TAOK3: variants seen among roughly 807,000 people sequenced by gnomAD.
TAOK3 encodes the protein TAO kinase 3.
A neutral mutation model predicts 120.4 loss-of-function variants in TAOK3; 40 were observed. The ratio of observed to expected loss-of-function variants is 0.33; its 90% confidence interval spans 0.26 to 0.43. The LOEUF is 0.43. Among genes scored for constraint, TAOK3 ranks in the 20% least tolerant of loss-of-function variants. The pLI is 1.00. For missense variants in TAOK3, 821 were observed against 1,112.1 expected (o/e 0.74, Z 3.72); for synonymous variants, 355 against 387.5 (o/e 0.92, Z 0.99).
chr12:118,240,652 C>A (rs1409062981), intron 5 of TAOK3, among the ~76,000 whole-genome samples: 1 of 152,000 alleles, frequency 6.6e-6, no homozygotes, highest in Non-Finnish European at 1.5e-5. Flanking sequence ...CCCTTCTTAT[C>A]CTAGATTTTT....
At chr12:118,325,410 G>C (rs1363589194) in intron 1 of TAOK3, among the ~76,000 whole-genome samples, 1 of 152,114 alleles carries the variant, frequency 6.6e-6, no homozygotes, top group Non-Finnish European at 1.5e-5. Flanking sequence ...TTGGGTGAAA[G>C]TCATTTTAAC....
At chr12:118,356,049 C>T (rs1593681446) in intron 1 of TAOK3, among the ~76,000 whole-genome samples, 1 of 152,248 alleles carries the variant, frequency 6.6e-6, no homozygotes. Flanking sequence ...GGATATGCTG[C>T]TGATCATGTA....
At chr12:118,320,289 T>C (rs962158954) in intron 1 of TAOK3, among the ~76,000 whole-genome samples, 2 of 152,128 alleles carry the variant, frequency 1.3e-5, no homozygotes, top group South Asian at 4.1e-4. Context: ...ATTATTTCCT[T>C]ATGACAAGTT....
intron 9 of TAOK3, among the ~76,000 whole-genome samples, chr12:118,230,760 C>T (rs1286371417): frequency 2.0e-5 from 3 of 152,050 alleles, no homozygotes; most frequent in South Asian, 2.1e-4. Context: ...TGAGCCACCA[C>T]GCCCAGCCTA....
chr12:118,169,341 C>T (rs967843113), intron 17 of TAOK3, among the ~76,000 whole-genome samples: 4 of 102,248 alleles, frequency 3.9e-5, no homozygotes, highest in Non-Finnish European at 7.4e-5. Context: ...TTTTTAAAGA[C>T]AGTCTCACTC....
intron 14 of TAOK3, 61 bp downstream of exon 14, chr12:118,189,746 G>A: frequency 2.5e-6 from 4 of 1,603,748 alleles, no homozygotes; most frequent in Non-Finnish European, 3.4e-6. Context: ...GGGAGGGCGA[G>A]AGGCTGCCAG....
chr12:118,233,533 A>G, intron 9 of TAOK3, 141 bp downstream of exon 9: 1 of 644,810 alleles, frequency 1.6e-6, no homozygotes, highest in Non-Finnish European at 2.6e-6. Flanking sequence ...CGCATTGCCT[A>G]GCACACATAT....
chr12:118,290,795 A>G (rs1372172525), intron 1 of TAOK3, among the ~76,000 whole-genome samples: 1 of 151,920 alleles, frequency 6.6e-6, no homozygotes, highest in Non-Finnish European at 1.5e-5. Flanking sequence ...AATCCTATTT[A>G]TATCGCCACT....
chr12:118,221,634 C>CTTT lies in TAOK3; in HGVS notation c.644-7527_644-7525dup, dbSNP rs35069196. Among the ~76,000 whole-genome samples, 79 of 125,990 alleles carry CTTT rather than the reference C, an allele frequency of 6.3e-4. 1 individual carries two copies. The highest frequency in any genetic ancestry group is 2.8e-3 in the East Asian group (12 of 4,358). 82.7% of individuals were successfully genotyped at this position (125,990 alleles called of 152,430 possible). On this transcript the variant is annotated intron_variant, in intron 9 of 20. Coordinates refer to ENST00000392533, the MANE Select transcript of TAOK3 (RefSeq NM_016281.4). Reference sequence around the variant, plus strand: ...CCTTGTGATACGGAATACATATAACCTTTTTTTTTTTTTTTTTTGAGACAG... The same window carrying CTTT: ...CCTTGTGATACGGAATACATATAACCTTTTTTTTTTTTTTTTTTTTTGAGACAG...
At chr12:118,345,472 A>G (rs2044816361) in intron 1 of TAOK3, among the ~76,000 whole-genome samples, 2 of 152,198 alleles carry the variant, frequency 1.3e-5, no homozygotes, top group Admixed American at 1.3e-4. Context: ...ATAGTCTAAG[A>G]GAAGACTTGT....
rs143511282 is a variant in TAOK3, at chr12:118,152,332, G to A, written c.2430C>T (p.Asn810=). The A allele has an allele frequency of 1.4e-4, 219 of 1,614,084 alleles. 1 individual carries two copies. The East Asian group carries it at 1.6e-3, about 12-fold the overall frequency. The change falls in exon 20 of 21, where the codon AAC becomes AAT. Residue 810 remains asparagine (N), a synonymous_variant. Coordinates refer to ENST00000392533, the MANE Select transcript of TAOK3 (RefSeq NM_016281.4). ...GCATCTTGATTTTGCTCTGGTAGGC[G>A]TTGAGCAGCTCCATTTCCTGCTGGA... The part of the protein sequence containing the change: ...LQLQQEMELL[N]AYQSKIKMQT...
At chr12:118,231,670 T>A (rs2039788474) in intron 9 of TAOK3, among the ~76,000 whole-genome samples, 1 of 152,156 alleles carries the variant, frequency 6.6e-6, no homozygotes, top group Admixed American at 6.5e-5. Flanking sequence ...ATGCCTGTAA[T>A]CCCAGCACTT....
intron 1 of TAOK3, among the ~76,000 whole-genome samples, chr12:118,326,946 T>C (rs930959674): frequency 1.3e-5 from 2 of 152,204 alleles, no homozygotes; most frequent in African/African-American, 4.8e-5. Flanking sequence ...TATAACTATG[T>C]ATAATGATCA....
intron 16 of TAOK3, among the ~76,000 whole-genome samples, chr12:118,174,503 G>A (rs1402715697): frequency 6.6e-6 from 1 of 151,730 alleles, no homozygotes; most frequent in Non-Finnish European, 1.5e-5. Flanking sequence ...ACTCTTAAAT[G>A]CTGTTCTGTG....
chr12:118,351,243 T>C (rs911983466), intron 1 of TAOK3, among the ~76,000 whole-genome samples: 1 of 152,222 alleles, frequency 6.6e-6, no homozygotes. Context: ...TGTATACTTA[T>C]TTAGGTAACT....
At chr12:118,255,174 G>T (rs1360465273) in intron 3 of TAOK3, among the ~76,000 whole-genome samples, 1 of 152,176 alleles carries the variant, frequency 6.6e-6, no homozygotes, top group Non-Finnish European at 1.5e-5. Flanking sequence ...ATGACTATTT[G>T]CCTCTACGGT....
At chr12:118,291,408 G>A (rs543506474) in intron 1 of TAOK3, among the ~76,000 whole-genome samples, 18 of 151,942 alleles carry the variant, frequency 1.2e-4, no homozygotes, top group African/African-American at 3.9e-4. Flanking sequence ...TGATTCGCCC[G>A]CCTCGGCCTC....
rs749728105 is a variant in TAOK3, at chr12:118,238,143, C to G, written c.367G>C (p.Glu123Gln). 4 of 1,611,220 alleles carry G rather than the reference C, an allele frequency of 2.5e-6. No homozygotes were observed. Among genetic ancestry groups the G allele is most frequent in the Non-Finnish European group, 3.4e-6 (4 of 1,178,398 alleles). The stretch of plus-strand genomic sequence containing the variant: ...GCTCCATGAGTAATGGCAGCGATCT[C>G]CACTTCCTGAAGTGGTTTTTTATGA... ...EVHKKPLQEV[E>Q]IAAITHGALH... The change falls in exon 7 of 21, where the codon GAG (glutamate) becomes CAG (glutamine). Residue 123 changes from glutamate to glutamine, a missense_variant. This residue lies in a region of TAOK3 where 467 missense variants were observed against 540.0 expected (regional missense o/e 0.86). Coordinates refer to ENST00000392533, the MANE Select transcript of TAOK3 (RefSeq NM_016281.4).
intron 1 of TAOK3, among the ~76,000 whole-genome samples, chr12:118,318,394 G>T (rs2043562803): frequency 6.6e-6 from 1 of 152,112 alleles, no homozygotes; most frequent in Admixed American, 6.5e-5. Context: ...TAGACCTCGT[G>T]ATCTGCCTGC....
Sources: allele counts gnomAD v4.1 joint callset (sites outside exome capture counted in the v4.1 genomes callset), GRCh38; gene constraint gnomAD v4.1.1; regional missense constraint gnomAD v4.1.1; transcripts MANE v1.5; gene names NCBI Gene and HGNC (gene_info 2026-07-23, HGNC 2026-07-21).